KCNH8: variants seen among roughly 807,000 people sequenced by gnomAD.
KCNH8 encodes the protein voltage-gated delayed rectifier potassium channel KCNH8.
Under a neutral mutation model 103.6 loss-of-function variants are expected in KCNH8, and 70 were observed. That is an observed-to-expected ratio of 0.68 (90% CI 0.56 to 0.82). The LOEUF (loss-of-function observed/expected upper bound fraction) is 0.82, where lower values mean the gene tolerates loss of function less well. Among genes scored for constraint, KCNH8 ranks in the 40% least tolerant of loss-of-function variants. The pLI is 0.00. For missense variants in KCNH8, 1,217 were observed against 1,329.9 expected (o/e 0.92, Z 1.32); for synonymous variants, 498 against 489.4 (o/e 1.02, Z -0.23).
At chr3:19,395,337 T>C (rs2066499444) in intron 7 of KCNH8, 26 bp downstream of exon 7, 1 of 1,531,362 alleles carries the variant, frequency 6.5e-7, no homozygotes, top group Non-Finnish European at 9.0e-7. Flanking sequence ...TGTCACATTT[T>C]CCATTTTTTA....
chr3:19,153,145 T>C lies in KCNH8; in HGVS notation c.76+4350T>C, dbSNP rs569345403. On this transcript the variant is annotated intron_variant, in intron 1 of 15. Coordinates refer to ENST00000328405, the MANE Select transcript of KCNH8 (RefSeq NM_144633.3). ...ATGAATTCTGTGCCCTCTAAAGGAC[T>C]TATCACAGGGGTTCTGATAACTTCA... Among the ~76,000 whole-genome samples the C allele has an allele frequency of 3.3e-5, 5 of 152,270 alleles. No individual in the cohort carries two copies. In the South Asian group the frequency reaches 1.0e-3, roughly 32 times the overall value.
At chr3:19,270,803 T>C (rs2064577415) in intron 2 of KCNH8, among the ~76,000 whole-genome samples, 1 of 152,180 alleles carries the variant, frequency 6.6e-6, no homozygotes, top group African/African-American at 2.4e-5. Context: ...AAAACTGTAA[T>C]CATATATTTA....
chr3:19,175,676 C>T (rs1378010976), intron 1 of KCNH8, among the ~76,000 whole-genome samples: 3 of 152,084 alleles, frequency 2.0e-5, no homozygotes, highest in African/African-American at 7.2e-5. Context: ...GTGACTAGTT[C>T]TTATACACTT....
chr3:19,244,331 C>T (rs1011966234), intron 1 of KCNH8, among the ~76,000 whole-genome samples: 10 of 152,126 alleles, frequency 6.6e-5, no homozygotes, highest in Non-Finnish European at 1.2e-4. Flanking sequence ...ATTTTATTTA[C>T]GCAGTCTACC....
intron 1 of KCNH8, among the ~76,000 whole-genome samples, chr3:19,173,054 C>G (rs1227515493): frequency 1.3e-5 from 2 of 152,066 alleles, no homozygotes; most frequent in African/African-American, 4.8e-5. Flanking sequence ...TTCTAGGTGG[C>G]TCTCAACTCA....
chr3:19,417,172 T>C (rs2066876590), intron 7 of KCNH8, among the ~76,000 whole-genome samples: 1 of 148,808 alleles, frequency 6.7e-6, no homozygotes. Context: ...ATCTAATATA[T>C]ATTAAATTAG....
chr3:19,370,706 C>A (rs2066077974), intron 5 of KCNH8, among the ~76,000 whole-genome samples: 1 of 151,826 alleles, frequency 6.6e-6, no homozygotes, highest in Admixed American at 6.6e-5. Flanking sequence ...TGCACTGCAC[C>A]CACTAACTCA....
At chr3:19,291,560 G>T (rs569770270) in intron 3 of KCNH8, among the ~76,000 whole-genome samples, 2 of 152,202 alleles carry the variant, frequency 1.3e-5, no homozygotes, top group African/African-American at 4.8e-5. Context: ...GGTTTTGAGT[G>T]AGTTTCTTAA....
intron 1 of KCNH8, among the ~76,000 whole-genome samples, chr3:19,152,591 A>G (rs780986465): frequency 2.6e-5 from 4 of 152,214 alleles, no homozygotes; most frequent in African/African-American, 7.2e-5. Context: ...TAATATTTGC[A>G]TATATTTTAT....
intron 1 of KCNH8, among the ~76,000 whole-genome samples, chr3:19,241,659 C>T (rs2064142840): frequency 6.6e-6 from 1 of 151,816 alleles, no homozygotes; most frequent in Admixed American, 6.6e-5. Context: ...ACAACATTGC[C>T]TTGGAAAAAT....
chr3:19,514,177 A>C (rs2068835240), intron 13 of KCNH8, among the ~76,000 whole-genome samples: 1 of 152,074 alleles, frequency 6.6e-6, no homozygotes, highest in African/African-American at 2.4e-5. Context: ...AAGTATTGAA[A>C]GGTGGATTCA....
chr3:19,370,584 A>G (rs1047725129), intron 5 of KCNH8, among the ~76,000 whole-genome samples: 1 of 152,052 alleles, frequency 6.6e-6, no homozygotes, highest in Non-Finnish European at 1.5e-5. Flanking sequence ...TTAAAGAATA[A>G]AATACAAAGA....
chr3:19,200,586 A>G (rs1286019654), intron 1 of KCNH8, among the ~76,000 whole-genome samples: 1 of 151,640 alleles, frequency 6.6e-6, no homozygotes, highest in Non-Finnish European at 1.5e-5. Flanking sequence ...CATGGTTTTC[A>G]ATTTTACCTA....
At chr3:19,421,538 T>C (rs2066951218) in intron 7 of KCNH8, among the ~76,000 whole-genome samples, 2 of 152,094 alleles carry the variant, frequency 1.3e-5, no homozygotes, top group South Asian at 4.1e-4. Flanking sequence ...TCCTTTTTGA[T>C]TTTATTGAAA....
chr3:19,254,485 G>A (rs1176269144), intron 2 of KCNH8, among the ~76,000 whole-genome samples: 1 of 152,056 alleles, frequency 6.6e-6, no homozygotes, highest in African/African-American at 2.4e-5. Flanking sequence ...TGCCTCTGGG[G>A]AAATACTAGG....
chr3:19,240,199 G>GT (rs1273900549), intron 1 of KCNH8, among the ~76,000 whole-genome samples: 4 of 151,980 alleles, frequency 2.6e-5, no homozygotes, highest in Non-Finnish European at 4.4e-5. Flanking sequence ...ACCTTTGACA[G>GT]TTTAAGTTTT....
At position 19,253,878 on chromosome 3, in the gene KCNH8, A is replaced by T. The variant is rs756220179; in HGVS notation, c.301A>T (p.Lys101Ter). The change falls in exon 2 of 16, where the codon AAG becomes TAG. Residue 101 changes from lysine (K) to a stop codon, truncating the protein, a stop_gained. Coordinates refer to ENST00000328405, the MANE Select transcript of KCNH8 (RefSeq NM_144633.3). LOFTEE classifies it high-confidence loss of function. ...TEFKGEIMFY[K>*]KNGSPFWCLL... Reference sequence around the variant, plus strand: ...ATTCAAAGGAGAAATTATGTTCTACAAGAAAAACGGTGAGTTGGCTTTCTT... The same window carrying T: ...ATTCAAAGGAGAAATTATGTTCTACTAGAAAAACGGTGAGTTGGCTTTCTT... 6.2e-7 allele frequency: 1 copy of T among 1,611,102 alleles called. No homozygotes were observed. The highest frequency in any genetic ancestry group is 1.7e-5 in the Admixed American group (1 of 59,942).
intron 1 of KCNH8, among the ~76,000 whole-genome samples, chr3:19,220,063 G>C (rs1483810198): frequency 6.6e-6 from 1 of 152,138 alleles, no homozygotes; most frequent in Admixed American, 6.5e-5. Flanking sequence ...TGTGTCAGGA[G>C]AGATTCCCAG....
At chr3:19,471,558 G>A (rs982892987) in intron 11 of KCNH8, among the ~76,000 whole-genome samples, 1 of 152,170 alleles carries the variant, frequency 6.6e-6, no homozygotes, top group Non-Finnish European at 1.5e-5. Context: ...GCTCCTAGGA[G>A]CCAAGCTGCA....
Sources: gnomAD v4.1 joint callset for allele counts (sites outside exome capture counted in the v4.1 genomes callset) on GRCh38, gnomAD v4.1.1 for gene constraint, MANE v1.5 for transcripts, NCBI Gene and HGNC (gene_info 2026-07-23, HGNC 2026-07-21) for gene names.